The following ERGIC1 variants were observed in gnomAD, a reference collection of about 807,000 sequenced individuals.
ERGIC1 encodes the protein endoplasmic reticulum-Golgi intermediate compartment protein 1.
Under a neutral mutation model 38.3 loss-of-function variants are expected in ERGIC1, and 19 were observed. The ratio of observed to expected loss-of-function variants is 0.50; its 90% CI spans 0.35 to 0.73. The LOEUF (loss-of-function observed/expected upper bound fraction) is 0.73. ERGIC1 is among the 30% of genes least tolerant of loss of function. The probability of loss-of-function intolerance (pLI) is 0.01; values close to 1 mark genes in which losing one functional copy is unlikely to be tolerated. For synonymous variants in ERGIC1, 124 were observed against 157.6 expected (o/e 0.79, Z 1.60); for missense variants, 294 against 389.2 (o/e 0.76, Z 2.06).
Position 172,890,133 on chromosome 5 carries a change from G to T in ERGIC1, c.82+1373G>T, listed in dbSNP as rs73325162. On this transcript the variant is annotated intron_variant, in intron 2 of 9. Transcript: ENST00000393784. Reference sequence around the variant, plus strand: ...GTTGGCATGACCAGTGATAAGCCACGTGCATATCGTGAGCCCCTGATAGGA... The same window carrying T: ...GTTGGCATGACCAGTGATAAGCCACTTGCATATCGTGAGCCCCTGATAGGA... 8.3e-3 allele frequency among the ~76,000 whole-genome samples: 1,268 copies of T among 152,300 alleles called. 25 individuals carry two copies. The highest frequency in any genetic ancestry group is 0.029 in the African/African-American group (1,206 of 41,562).
intron 1 of ERGIC1, among the ~76,000 whole-genome samples, chr5:172,845,147 G>A (rs984959113): frequency 6.6e-6 from 1 of 152,076 alleles, no homozygotes; most frequent in Non-Finnish European, 1.5e-5. Flanking sequence ...CCAGTATCAC[G>A]CCCCAGGAGG....
At chr5:172,841,640 C>G (rs766198018) in intron 1 of ERGIC1, among the ~76,000 whole-genome samples, 1 of 152,214 alleles carries the variant, frequency 6.6e-6, no homozygotes, top group Non-Finnish European at 1.5e-5. Flanking sequence ...GTGATAGCCC[C>G]TCCATGCATT....
chr5:172,923,979 TCCTGAAACTCACATTTCTCC>T lies in ERGIC1; in HGVS notation c.376-23_376-4del. The T allele has an allele frequency of 6.2e-7, 1 of 1,611,092 alleles. No individual in the cohort carries two copies. The highest frequency in any genetic ancestry group is 1.3e-5 in the African/African-American group (1 of 74,950). On this transcript the variant is annotated splice_region_variant and splice_polypyrimidine_tract_variant and intron_variant, in intron 5 of 9. Coordinates refer to ENST00000393784, the MANE Select transcript of ERGIC1 (RefSeq NM_001031711.3). ...CGCCCCCTGGAGAAGTCAACCAAAC[TCCTGAAACTCACATTTCTCC>T]CCCAGGTCCCCGGCAACTTCCACGT...
Position 172,942,978 on chromosome 5 carries a change from G to A in ERGIC1, c.765+7668G>A, listed in dbSNP as rs150422430. ...AGAGAGGGGCTAGGAAGAGTCTTCC[G>A]GCTGGGAATGAGGGCAGGTGGGCTA... On this transcript the variant is annotated intron_variant, in intron 9 of 9. Coordinates refer to ENST00000393784, the MANE Select transcript of ERGIC1 (RefSeq NM_001031711.3). Among the ~76,000 whole-genome samples, 162 of 152,284 alleles carry A rather than the reference G, an allele frequency of 1.1e-3. 2 individuals are homozygous for A. Among genetic ancestry groups the A allele is most frequent in the Admixed American group, 3.9e-4 (6 of 15,292 alleles).
Position 172,924,105 on chromosome 5 carries a change from T to C in ERGIC1, c.476T>C (p.Leu159Pro). The C allele has an allele frequency of 6.2e-7, 1 of 1,613,934 alleles. No homozygotes were observed. Among genetic ancestry groups the C allele is most frequent in the Non-Finnish European group, 8.5e-7 (1 of 1,179,906 alleles). The change falls in exon 6 of 10, where the codon CTA becomes CCA. Residue 159 changes from leucine to proline, a missense_variant. By Grantham distance (98) the Leu-to-Pro change is moderately conservative (BLOSUM62 -3). Coordinates refer to ENST00000393784, the MANE Select transcript of ERGIC1 (RefSeq NM_001031711.3). Reference protein sequence around the residue: ...VIHKLSFGDTLQVQNIHGAFN... With the variant: ...VIHKLSFGDTPQVQNIHGAFN... ...CACAAGCTCTCCTTTGGGGACACGC[T>C]ACAGGTGAGCAGGGGACACTCGAGA...
intron 5 of ERGIC1, chr5:172,920,709 C>T: frequency 2.1e-6 from 1 of 481,426 alleles, no homozygotes; most frequent in Non-Finnish European, 3.8e-6. Context: ...GCTGAGGGGA[C>T]AGCCTTCTTG....
chr5:172,923,534 C>T (rs1287769141), intron 5 of ERGIC1, among the ~76,000 whole-genome samples: 1 of 152,178 alleles, frequency 6.6e-6, no homozygotes, highest in Admixed American at 6.5e-5. Flanking sequence ...GATGAGGCTA[C>T]CACAGTCTGT....
At chr5:172,907,490 G>A (rs986916257) in intron 3 of ERGIC1, among the ~76,000 whole-genome samples, 8 of 152,130 alleles carry the variant, frequency 5.3e-5, no homozygotes, top group Non-Finnish European at 8.8e-5. Context: ...CCCGGGAGGC[G>A]GAGGTTGCAG....
intron 1 of ERGIC1, among the ~76,000 whole-genome samples, chr5:172,880,545 C>G (rs1762254189): frequency 6.6e-6 from 1 of 152,116 alleles, no homozygotes; most frequent in Non-Finnish European, 1.5e-5. Context: ...AGGCTGATCT[C>G]AAACTCCTGA....
chr5:172,838,461 T>C (rs1462954875), intron 1 of ERGIC1, among the ~76,000 whole-genome samples: 1 of 152,102 alleles, frequency 6.6e-6, no homozygotes, highest in Admixed American at 6.5e-5. Context: ...TTCTGAGTGG[T>C]CTTTCTCCCT....
At chr5:172,893,155 C>A (rs553615502) in intron 2 of ERGIC1, among the ~76,000 whole-genome samples, 1 of 152,070 alleles carries the variant, frequency 6.6e-6, no homozygotes, top group Admixed American at 6.6e-5. Context: ...TGTTTTGTTT[C>A]GTTTTTTTTG....
chr5:172,837,173 G>A lies in ERGIC1; in HGVS notation c.20+2740G>A, dbSNP rs1397369983. Among the ~76,000 whole-genome samples the A allele has an allele frequency of 6.6e-6, 1 of 152,082 alleles. No homozygotes were observed. The highest frequency in any genetic ancestry group is 1.5e-5 in the Non-Finnish European group (1 of 68,022). On this transcript the variant is annotated intron_variant, in intron 1 of 9. Transcript: ENST00000393784. This position sits in a 1 kb window ranked among gnomAD's most constrained non-coding sequence, Gnocchi z 4.3. ...TAAAATCAGAAGCAGGAAAAATAGT[G>A]CACTCTTGCCCTTCCCTACGGATAC...
rs1764257881 is a variant in ERGIC1, at chr5:172,952,599, T to C, written c.*1783T>C. 1 of 152,092 alleles carries C rather than the reference T, an allele frequency of 6.6e-6. No homozygotes were observed. The highest frequency in any genetic ancestry group is 2.4e-5 in the African/African-American group (1 of 41,390). The allele number at this position is 152,092 out of a possible 1,614,324, so 9.4% of individuals were successfully genotyped here. On this transcript the variant is annotated 3_prime_UTR_variant, in exon 10 of 10. Coordinates refer to ENST00000393784, the MANE Select transcript of ERGIC1 (RefSeq NM_001031711.3). Reference sequence around the variant, plus strand: ...AGACACCTCTGACCCGTTATTCTTATAATCAAAATCTGAAGGGAAAAAAAT... The same window carrying C: ...AGACACCTCTGACCCGTTATTCTTACAATCAAAATCTGAAGGGAAAAAAAT...
intron 1 of ERGIC1, among the ~76,000 whole-genome samples, chr5:172,880,311 A>AATT (rs995620644): frequency 2.0e-5 from 3 of 151,700 alleles, no homozygotes; most frequent in Non-Finnish European, 4.4e-5. Flanking sequence ...TATTTTTAAA[A>AATT]ATTATTATTA....
At chr5:172,902,178 GACTTGGATGC>G (rs1450601480) in intron 3 of ERGIC1, among the ~76,000 whole-genome samples, 1 of 152,040 alleles carries the variant, frequency 6.6e-6, no homozygotes, top group Non-Finnish European at 1.5e-5. Context: ...TTGACTGGAG[GACTTGGATGC>G]ACCCTTCTAG....
At chr5:172,904,751 G>A (rs535622586) in intron 3 of ERGIC1, among the ~76,000 whole-genome samples, 4 of 152,214 alleles carry the variant, frequency 2.6e-5, no homozygotes, top group South Asian at 2.1e-4. Context: ...GTGGCAGGAA[G>A]CCAGCAGCCC....
chr5:172,868,444 G>A (rs533743917), intron 1 of ERGIC1, among the ~76,000 whole-genome samples: 14 of 152,332 alleles, frequency 9.2e-5, no homozygotes, highest in African/African-American at 3.4e-4. Context: ...AATGAAAGAA[G>A]CCAATCTGAA....
intron 3 of ERGIC1, chr5:172,905,212 GTC>G: frequency 7.5e-6 from 2 of 265,618 alleles, no homozygotes; most frequent in Non-Finnish European, 1.6e-5. Flanking sequence ...TCAAGGAAGA[GTC>G]TCAGGCAGCT....
At chr5:172,924,399 C>T (rs188394855) in intron 6 of ERGIC1, among the ~76,000 whole-genome samples, 6 of 152,302 alleles carry the variant, frequency 3.9e-5, no homozygotes, top group Admixed American at 2.6e-4. Context: ...GTATGTGACA[C>T]GGCATGTTCT....
Sources: gnomAD v4.1 joint callset for allele counts (sites outside exome capture counted in the v4.1 genomes callset) on GRCh38, gnomAD v4.1.1 for gene constraint, Gnocchi (gnomAD v3.1) non-coding constraint, MANE v1.5 for transcripts, NCBI Gene and HGNC (gene_info 2026-07-23, HGNC 2026-07-21) for gene names.